ARHGAP32: variants seen among roughly 807,000 people sequenced by gnomAD.
ARHGAP32 encodes the protein Rho GTPase activating protein 32, also known as rho GTPase-activating protein 32.
Under a neutral mutation model 186.5 loss-of-function variants are expected in ARHGAP32, and 51 were observed. The observed-to-expected ratio is 0.27, with a 90% CI of 0.22 to 0.35. The LOEUF (loss-of-function observed/expected upper bound fraction) is 0.35, where lower values mean the gene tolerates loss of function less well. Among genes scored for constraint, ARHGAP32 ranks in the 10% least tolerant of loss-of-function variants. The pLI, the probability that ARHGAP32 is intolerant of heterozygous loss-of-function variation, is 1.00. For synonymous variants in ARHGAP32, 950 were observed against 964.3 expected (o/e 0.99, Z 0.27); for missense variants, 2,186 against 2,623.5 (o/e 0.83, Z 3.64).
At chr11:129,155,686 T>TA (rs1943386299) in intron 2 of ARHGAP32, among the ~76,000 whole-genome samples, 1 of 149,248 alleles carries the variant, frequency 6.7e-6, no homozygotes, top group African/African-American at 2.5e-5. Context: ...ATTGCAGCAG[T>TA]AAAAGAAATG....
intron 1 of ARHGAP32, among the ~76,000 whole-genome samples, chr11:129,216,669 T>TAAA (rs201308944): frequency 0.035 from 4,112 of 118,842 alleles, 89 homozygotes; most frequent in Non-Finnish European, 0.045. Context: ...AGACTGTCTT[T>TAAA]AAAAAAAAAA....
At chr11:129,248,820 G>C (rs185443558) in intron 1 of ARHGAP32, among the ~76,000 whole-genome samples, 1 of 151,926 alleles carries the variant, frequency 6.6e-6, no homozygotes, top group Non-Finnish European at 1.5e-5. Context: ...GTTTTTTTCT[G>C]CTGTATTTGC....
intron 6 of ARHGAP32, among the ~76,000 whole-genome samples, chr11:129,071,196 A>G (rs893533814): frequency 6.6e-6 from 1 of 152,070 alleles, no homozygotes; most frequent in Non-Finnish European, 1.5e-5. Flanking sequence ...AAGATCTCAA[A>G]GAGAAATTAG....
chr11:129,155,826 G>A (rs973246466), intron 2 of ARHGAP32, among the ~76,000 whole-genome samples: 5 of 152,204 alleles, frequency 3.3e-5, no homozygotes, highest in East Asian at 1.9e-4. Flanking sequence ...AGCTCCCAGC[G>A]AGATCAATGC....
intron 2 of ARHGAP32, among the ~76,000 whole-genome samples, chr11:129,131,149 T>C (rs943803670): frequency 6.6e-6 from 1 of 152,092 alleles, no homozygotes; most frequent in Non-Finnish European, 1.5e-5. Context: ...TAGAAATAAG[T>C]GTTACAACTG....
At chr11:129,086,632 T>C (rs1414704655) in intron 6 of ARHGAP32, among the ~76,000 whole-genome samples, 3 of 151,966 alleles carry the variant, frequency 2.0e-5, no homozygotes, top group Admixed American at 1.3e-4. Context: ...CCATCCCGGC[T>C]AGCACGGTGA....
rs867489690 is a variant in ARHGAP32, at chr11:129,064,885, C to T, written c.718G>A (p.Ala240Thr). 12 of 1,599,312 alleles carry T rather than the reference C, an allele frequency of 7.5e-6. No homozygotes were observed. In the African/African-American group the frequency reaches 1.1e-4, roughly 14 times the overall value. ...GGCCCACAGTTGATCTTGTTGCCAGCGATAGCTGAAAGGCGTGACAGGTAA... is the reference window on the plus strand; with the variant it reads ...GGCCCACAGTTGATCTTGTTGCCAGTGATAGCTGAAAGGCGTGACAGGTAA... ...MAYLSRLSAI[A>T]GNKINCGPAL... Residue 240 changes from alanine (A) to threonine (T), a missense_variant, in exon 8 of 23, where the codon GCT becomes ACT. Physicochemically the swap from Ala to Thr is moderately conservative, Grantham distance 58. Around this residue, in one of 5 missense-constraint regions of ARHGAP32, gnomAD observed 308 missense variants for 596.5 expected, o/e 0.52. Transcript: ENST00000682385.
intron 1 of ARHGAP32, among the ~76,000 whole-genome samples, chr11:129,217,109 G>A (rs1944658163): frequency 6.6e-6 from 1 of 151,806 alleles, no homozygotes; most frequent in African/African-American, 2.4e-5. Flanking sequence ...ATTTTTTATA[G>A]TTTTGACTTT....
At chr11:129,168,648 C>A (rs1244231512) in intron 1 of ARHGAP32, among the ~76,000 whole-genome samples, 3 of 152,120 alleles carry the variant, frequency 2.0e-5, no homozygotes, top group Admixed American at 1.3e-4. Flanking sequence ...TTGAACAATT[C>A]AATTTTCCAA....
chr11:129,082,093 C>T (rs4936068), intron 6 of ARHGAP32, among the ~76,000 whole-genome samples: 24,077 of 151,844 alleles, frequency 0.16, 2,391 homozygotes, highest in African/African-American at 0.28. Flanking sequence ...AAAACACTGC[C>T]GAAAGAAATC....
Position 129,154,244 on chromosome 11 carries a change from G to C in ARHGAP32, c.225+10075C>G, listed in dbSNP as rs369730237. 2.5e-4 allele frequency among the ~76,000 whole-genome samples: 38 copies of C among 152,290 alleles called. No individual in the cohort carries two copies. In the East Asian group the frequency reaches 5.0e-3, roughly 20 times the overall value. On this transcript the variant is annotated intron_variant, in intron 2 of 22. Transcript: ENST00000682385. ...ATCAAAAAATAATAGATGTTGGCATGGATGTGGTGAAAAGGGAACACGTTT... is the reference window on the plus strand; with the variant it reads ...ATCAAAAAATAATAGATGTTGGCATCGATGTGGTGAAAAGGGAACACGTTT...
In ARHGAP32 at chr11:128,973,356, C is replaced by T. The variant is rs745811559; in HGVS notation, c.3150G>A (p.Pro1050=). 30 of 1,613,836 alleles carry T rather than the reference C, an allele frequency of 1.9e-5. No homozygotes were observed. Among genetic ancestry groups the T allele is most frequent in the East Asian group, 6.7e-5 (3 of 44,890 alleles). ...SVSLIPPPPP[P]KNVARMLALA... ...GCGCCAACATTCGGGCAACATTTTTCGGAGGCGGTGGTGGTGGGATAAGAG... is the reference window on the plus strand; with the variant it reads ...GCGCCAACATTCGGGCAACATTTTTTGGAGGCGGTGGTGGTGGGATAAGAG... The change falls in exon 22 of 23, where the codon CCG becomes CCA. Residue 1050 remains proline (P), a synonymous_variant. Transcript: ENST00000682385.
intron 6 of ARHGAP32, among the ~76,000 whole-genome samples, chr11:129,078,590 C>G (rs572065469): frequency 6.6e-6 from 1 of 152,180 alleles, no homozygotes; most frequent in South Asian, 2.1e-4. Flanking sequence ...CCTCCTGGGT[C>G]CAAGTGATTC....
chr11:129,247,049 C>T (rs993773680), intron 1 of ARHGAP32, among the ~76,000 whole-genome samples: 1 of 152,188 alleles, frequency 6.6e-6, no homozygotes, highest in African/African-American at 2.4e-5. Flanking sequence ...ATAGTAAATA[C>T]ACTGACATAG....
chr11:129,156,637 G>A lies in ARHGAP32; in HGVS notation c.225+7682C>T, dbSNP rs143528865. Among the ~76,000 whole-genome samples the A allele has an allele frequency of 3.5e-4, 54 of 152,270 alleles. No individual in the cohort carries two copies. In the East Asian group the frequency reaches 9.3e-3, roughly 26 times the overall value. On this transcript the variant is annotated intron_variant, in intron 2 of 22. Coordinates refer to ENST00000682385, the MANE Select transcript of ARHGAP32 (RefSeq NM_001378024.1). The stretch of plus-strand genomic sequence containing the variant: ...GACAGAGTACCTGTGAGAAGGTGGG[G>A]CTGTGGGTGCAGCTTCATCAGACCT...
chr11:129,034,012 G>A (rs1429020422), intron 11 of ARHGAP32, among the ~76,000 whole-genome samples: 1 of 152,146 alleles, frequency 6.6e-6, no homozygotes, highest in East Asian at 1.9e-4. Flanking sequence ...ATTACAGTAA[G>A]TTTCCCACTT....
chr11:128,974,765 G>C lies in ARHGAP32; in HGVS notation c.2432C>G (p.Pro811Arg). The change falls in exon 21 of 23, where the codon CCA (proline) becomes CGA (arginine). Residue 811 changes from proline (P) to arginine (R), a missense_variant. Transcript: ENST00000682385. ...AGGAGGACTACATTGAAATGACATT[G>C]GATCAAAATCCAGGCTGGCTACTCC... ...DIGVASLDFD[P>R]MSFQCSPPKA... 1 of 1,614,102 alleles carries C rather than the reference G, an allele frequency of 6.2e-7. No individual in the cohort carries two copies. The highest frequency in any genetic ancestry group is 8.5e-7 in the Non-Finnish European group (1 of 1,180,008).
intron 1 of ARHGAP32, among the ~76,000 whole-genome samples, chr11:129,183,937 G>A (rs111538254): frequency 0.015 from 2,277 of 152,172 alleles, 18 homozygotes; most frequent in South Asian, 0.03. Context: ...AAATCATTAA[G>A]TTAAATAGGA....
chr11:128,983,927 C>T (rs1408143678), intron 15 of ARHGAP32, among the ~76,000 whole-genome samples: 2 of 152,254 alleles, frequency 1.3e-5, no homozygotes, highest in East Asian at 3.9e-4. Context: ...TTGTATAAAA[C>T]TTCGCAACCT....
Sources: allele counts gnomAD v4.1 joint callset (sites outside exome capture counted in the v4.1 genomes callset), GRCh38; gene constraint gnomAD v4.1.1; regional missense constraint gnomAD v4.1.1; transcripts MANE v1.5; gene names NCBI Gene and HGNC (gene_info 2026-07-23, HGNC 2026-07-21).